WDR11: variants seen among roughly 807,000 people sequenced by gnomAD.
WDR11 encodes the protein WD repeat domain 11.
A neutral mutation model predicts 151.2 loss-of-function variants in WDR11; 83 were observed. The ratio of observed to expected loss-of-function variants is 0.55; its 90% CI spans 0.46 to 0.66. The LOEUF is 0.66. Ranked by LOEUF, WDR11 falls within the 30% of genes least tolerant of loss-of-function variation. WDR11 has a pLI of 0.00. For missense variants in WDR11, 1,301 were observed against 1,480.9 expected (o/e 0.88, Z 1.99); for synonymous variants, 484 against 533.1 (o/e 0.91, Z 1.27).
chr10:120,871,209 CA>C lies in WDR11; in HGVS notation c.1336del (p.Ile446PhefsTer11). 6.2e-7 allele frequency: 1 copy of C among 1,614,146 alleles called. No individual in the cohort carries two copies. Among genetic ancestry groups the C allele is most frequent in the Non-Finnish European group, 8.5e-7 (1 of 1,180,022 alleles). ...GCTGGGGAAGAACATCCCAGAGGTTCAATTCTGCGGGAAGTGCACCTCAAGT... is the reference window on the plus strand; with the variant it reads ...GCTGGGGAAGAACATCCCAGAGGTTCATTCTGCGGGAAGTGCACCTCAAGT... ...AIAGEEHPRG[S>X]ILREVHLKFL... is the part of the protein sequence containing the mutation. On this transcript the variant is annotated frameshift_variant, in exon 10 of 29. Coordinates refer to ENST00000263461, the MANE Select transcript of WDR11 (RefSeq NM_018117.12). LOFTEE classifies it high-confidence loss of function.
chr10:120,898,932 A>T (rs1250822118), intron 19 of WDR11, among the ~76,000 whole-genome samples: 1 of 152,212 alleles, frequency 6.6e-6, no homozygotes, highest in East Asian at 1.9e-4. Context: ...CATTTTACAT[A>T]ATTGTGTCTA....
At chr10:120,897,174 C>G (rs906028511) in intron 19 of WDR11, among the ~76,000 whole-genome samples, 4 of 152,146 alleles carry the variant, frequency 2.6e-5, no homozygotes, top group Admixed American at 2.6e-4. Context: ...CAAAGAAACC[C>G]TCACTCCATA....
Position 120,908,589 on chromosome 10 carries a change from C to G in WDR11, c.3551C>G (p.Ala1184Gly), listed in dbSNP as rs1489260864. ...ATCACTGCTATATATGCAGATTATG[C>G]CCGGAGTTTGAAGAACCTCGGTTTT... ...KLITAIYADY[A>G]RSLKNLGFKQ... Residue 1184 changes from alanine (A) to glycine (G), a missense_variant, in exon 29 of 29, where the codon GCC becomes GGC. This residue lies in a region of WDR11 where 589 missense variants were observed against 670.6 expected (regional missense o/e 0.88). Coordinates refer to ENST00000263461, the MANE Select transcript of WDR11 (RefSeq NM_018117.12). 3 of 1,614,174 alleles carry G rather than the reference C, an allele frequency of 1.9e-6. No homozygotes were observed. The South Asian group carries it at 3.3e-5, about 18-fold the overall frequency.
In WDR11 at chr10:120,871,194, A is replaced by T. The variant is rs765444878; in HGVS notation, c.1319A>T (p.Glu440Val). Residue 440 changes from glutamate (E) to valine (V), a missense_variant, in exon 10 of 29, where the codon GAA becomes GTA. By Grantham distance (121) the Glu-to-Val change is moderately radical (BLOSUM62 -2). Transcript: ENST00000263461. The stretch of plus-strand genomic sequence containing the variant: ...GGGCAAAGTGCAATTGCTGGGGAAG[A>T]ACATCCCAGAGGTTCAATTCTGCGG... ...MIGQSAIAGE[E>V]HPRGSILREV... is the part of the protein sequence containing the mutation. The T allele has an allele frequency of 2.0e-5, 33 of 1,614,178 alleles. No individual in the cohort carries two copies. In the East Asian group the frequency reaches 7.1e-4, roughly 35 times the overall value.
intron 12 of WDR11, among the ~76,000 whole-genome samples, chr10:120,878,679 A>T (rs1365832206): frequency 6.6e-6 from 1 of 152,208 alleles, no homozygotes; most frequent in African/African-American, 2.4e-5. Flanking sequence ...GAGGACCATT[A>T]GCCTGAACAG....
At chr10:120,891,560 T>C (rs903430961) in intron 19 of WDR11, among the ~76,000 whole-genome samples, 5 of 152,202 alleles carry the variant, frequency 3.3e-5, no homozygotes, top group Non-Finnish European at 5.9e-5. Flanking sequence ...CCTTGGAAGA[T>C]ACTTGATCCT....
chr10:120,871,451 G>A, intron 10 of WDR11, 105 bp downstream of exon 10: 3 of 1,231,530 alleles, frequency 2.4e-6, no homozygotes, highest in Non-Finnish European at 3.5e-6. Context: ...GCTTTAAAAG[G>A]AGATAGAGAC....
chr10:120,852,099 ATGT>A (rs1454859039), intron 1 of WDR11: 4 of 231,396 alleles, frequency 1.7e-5, no homozygotes, highest in African/African-American at 9.3e-5. Context: ...TGGCTGTGGG[ATGT>A]TGTTAGGAGG....
chr10:120,886,154 C>T (rs1847209002), intron 15 of WDR11, among the ~76,000 whole-genome samples: 1 of 152,064 alleles, frequency 6.6e-6, no homozygotes, highest in African/African-American at 2.4e-5. Context: ...ATAACATATG[C>T]AGTAATATTC....
At position 120,875,661 on chromosome 10, in the gene WDR11, T is replaced by C. The variant is rs777439941; in HGVS notation, c.1556+1738T>C. 5.3e-5 allele frequency among the ~76,000 whole-genome samples: 8 copies of C among 152,068 alleles called. 1 individual carries two copies. The highest frequency in any genetic ancestry group is 1.3e-4 in the Admixed American group (2 of 15,272). ...CTAGGACTACAGGCACGTGCCACCA[T>C]GCCCAGCTAAATTTTGTATTTTTAG... On this transcript the variant is annotated intron_variant, in intron 11 of 28. Transcript: ENST00000263461.
intron 22 of WDR11, 70 bp from the exon 23 acceptor site, chr10:120,902,985 A>G: frequency 6.7e-7 from 1 of 1,500,720 alleles, no homozygotes; most frequent in South Asian, 1.2e-5. Context: ...CCAGTCCCTC[A>G]GTCTACTCTA....
chr10:120,890,920 C>T (rs1847410705), intron 19 of WDR11, 33 bp downstream of exon 19: 1 of 1,609,756 alleles, frequency 6.2e-7, no homozygotes, highest in Non-Finnish European at 8.5e-7. Context: ...GGCTTTGAAA[C>T]CTGTCTTTAC....
chr10:120,899,434 T>C (rs1847732126), intron 19 of WDR11, among the ~76,000 whole-genome samples: 1 of 152,200 alleles, frequency 6.6e-6, no homozygotes, highest in African/African-American at 2.4e-5. Context: ...TTGCATTGAA[T>C]CCTTTATTCA....
At chr10:120,887,125 A>C (rs1847249246) in intron 16 of WDR11, among the ~76,000 whole-genome samples, 1 of 152,150 alleles carries the variant, frequency 6.6e-6, no homozygotes, top group Non-Finnish European at 1.5e-5. Context: ...AACTTTCCCA[A>C]AGTTATCCAG....
intron 10 of WDR11, among the ~76,000 whole-genome samples, chr10:120,871,867 T>C (rs1271543232): frequency 6.6e-6 from 1 of 152,218 alleles, no homozygotes; most frequent in African/African-American, 2.4e-5. Context: ...ATGTTATAGG[T>C]AGAAAAATTT....
In WDR11 at chr10:120,873,858, C is replaced by T. The variant is rs759428658; in HGVS notation, c.1491C>T (p.Val497=). 2.5e-6 allele frequency: 4 copies of T among 1,612,472 alleles called. No homozygotes were observed. Among genetic ancestry groups the T allele is most frequent in the Admixed American group, 3.3e-5 (2 of 60,010 alleles). ...LLAVGTSNGS[V]LVYHLTSGLL... ...TGAAAGGTACAAGTAATGGTTCTGT[C>T]CTGGTGTACCATCTCACCAGTGGTC... Residue 497 remains valine, a synonymous_variant, in exon 11 of 29, where the codon GTC becomes GTT. Coordinates refer to ENST00000263461, the MANE Select transcript of WDR11 (RefSeq NM_018117.12).
intron 11 of WDR11, among the ~76,000 whole-genome samples, chr10:120,876,327 T>C (rs547347834): frequency 7.9e-5 from 12 of 152,316 alleles, no homozygotes; most frequent in African/African-American, 1.4e-4. Context: ...TGGAAATCTC[T>C]GAAAAGTTTG....
chr10:120,887,127 G>A (rs1018538157), intron 16 of WDR11, among the ~76,000 whole-genome samples: 2 of 152,116 alleles, frequency 1.3e-5, no homozygotes, highest in Non-Finnish European at 1.5e-5. Flanking sequence ...CTTTCCCAAA[G>A]TTATCCAGCT....
chr10:120,870,673 G>A (rs556782286), intron 9 of WDR11, among the ~76,000 whole-genome samples: 60 of 152,112 alleles, frequency 3.9e-4, no homozygotes, highest in Non-Finnish European at 7.2e-4. Flanking sequence ...ACACATTAAG[G>A]TTTCTTATTA....
Sources: allele counts gnomAD v4.1 joint callset (sites outside exome capture counted in the v4.1 genomes callset), GRCh38; gene constraint gnomAD v4.1.1; regional missense constraint gnomAD v4.1.1; transcripts MANE v1.5; gene names NCBI Gene and HGNC (gene_info 2026-07-23, HGNC 2026-07-21).